Variants in COL4A1 observed in about 807,000 individuals in gnomAD.
COL4A1 encodes collagen type IV alpha 1 chain.
Under a neutral mutation model 216.6 loss-of-function variants are expected in COL4A1, and 40 were observed. The ratio of observed to expected loss-of-function variants is 0.18; its 90% CI spans 0.14 to 0.24. COL4A1 has a LOEUF of 0.24. Ranked by LOEUF, COL4A1 falls within the 10% of genes least tolerant of loss-of-function variation. The pLI is 1.00. For synonymous variants in COL4A1, 839 were observed against 810.7 expected, an observed-to-expected ratio of 1.03 and a Z score of -0.59; for missense variants, 1,628 against 2,196.8, an observed-to-expected ratio of 0.74 and a Z score of 5.18.
At chr13:110,156,916 T>C (rs1876813699) in intron 49 of COL4A1, among the ~76,000 whole-genome samples, 1 of 152,192 alleles carries the variant, frequency 6.6e-6, no homozygotes, top group Non-Finnish European at 1.5e-5. Context: ...CAATTTTCTA[T>C]TTTATTCACC....
At chr13:110,163,821 T>C (rs1028844370) in intron 46 of COL4A1, among the ~76,000 whole-genome samples, 1 of 152,062 alleles carries the variant, frequency 6.6e-6, no homozygotes, top group South Asian at 2.1e-4. Flanking sequence ...GTTTGGCAGA[T>C]TGGTTTGGAA....
intron 1 of COL4A1, among the ~76,000 whole-genome samples, chr13:110,281,768 A>G (rs1883642392): frequency 6.6e-6 from 1 of 152,198 alleles, no homozygotes; most frequent in African/African-American, 2.4e-5. Flanking sequence ...CCGTTTACCA[A>G]TCTGGCAGGA....
At chr13:110,238,179 C>T (rs994165674) in intron 2 of COL4A1, among the ~76,000 whole-genome samples, 2 of 152,168 alleles carry the variant, frequency 1.3e-5, no homozygotes, top group Admixed American at 1.3e-4. Context: ...TATATCTTTG[C>T]TGAGGATCTG....
At chr13:110,152,125 G>T (rs1200953957) in intron 51 of COL4A1, among the ~76,000 whole-genome samples, 10 of 151,950 alleles carry the variant, frequency 6.6e-5, no homozygotes, top group Non-Finnish European at 1.2e-4. Context: ...TTCTTTCATG[G>T]TTCTTCGGTA....
Position 110,251,820 on chromosome 13 carries a change from G to A in COL4A1, c.85-9086C>T, listed in dbSNP as rs540539918. Among the ~76,000 whole-genome samples the A allele has an allele frequency of 2.0e-4, 30 of 152,326 alleles. 1 individual carries two copies. The South Asian group carries it at 3.9e-3, about 20-fold the overall frequency. On this transcript the variant is annotated intron_variant, in intron 1 of 51. Transcript: ENST00000375820. The stretch of plus-strand genomic sequence containing the variant: ...TTTTCAGATCTTGGCCGCACAGCCT[G>A]AGAGCATAAAGACCTTGAACCCACA...
At chr13:110,197,589 TTC>T (rs1330049034) in intron 21 of COL4A1, among the ~76,000 whole-genome samples, 1 of 152,198 alleles carries the variant, frequency 6.6e-6, no homozygotes, top group Non-Finnish European at 1.5e-5. Context: ...ACATGATCTG[TTC>T]TTTCTCCTAC....
intron 2 of COL4A1, among the ~76,000 whole-genome samples, chr13:110,220,192 C>G (rs1880407608): frequency 6.6e-6 from 1 of 152,020 alleles, no homozygotes; most frequent in Non-Finnish European, 1.5e-5. Flanking sequence ...TCCGCCTTGT[C>G]CTCCTAAAGT....
chr13:110,250,203 CA>C (rs796114385), intron 1 of COL4A1, among the ~76,000 whole-genome samples: 3,102 of 71,708 alleles, frequency 0.043, 92 homozygotes, highest in African/African-American at 0.12. Context: ...ACATTCTTGG[CA>C]AAAAAAAAAA....
chr13:110,156,245 C>T (rs951998658), intron 49 of COL4A1, among the ~76,000 whole-genome samples: 2 of 152,182 alleles, frequency 1.3e-5, no homozygotes, highest in Non-Finnish European at 2.9e-5. Flanking sequence ...ACAATGCATA[C>T]GTATTTCCAC....
chr13:110,163,616 T>C, intron 46 of COL4A1, 55 bp from the exon 47 acceptor site: 1 of 1,465,168 alleles, frequency 6.8e-7, no homozygotes, highest in Non-Finnish European at 9.4e-7. Flanking sequence ...CTGTATCTCT[T>C]TCTTCCCTTC....
intron 1 of COL4A1, among the ~76,000 whole-genome samples, chr13:110,285,252 G>T (rs1323005447): frequency 6.6e-5 from 10 of 152,234 alleles, no homozygotes. Context: ...CCAAAAACGT[G>T]AATCTACAAT....
At chr13:110,221,736 C>T (rs1032704268) in intron 2 of COL4A1, among the ~76,000 whole-genome samples, 3 of 152,150 alleles carry the variant, frequency 2.0e-5, no homozygotes, top group African/African-American at 7.2e-5. Context: ...CCAAAATGCT[C>T]TCATTAATTC....
chr13:110,219,055 G>A (rs1484391668), intron 2 of COL4A1, among the ~76,000 whole-genome samples: 1 of 152,196 alleles, frequency 6.6e-6, no homozygotes, highest in Admixed American at 6.5e-5. Context: ...TGCCGCCGCT[G>A]GGAAAGGGGT....
intron 1 of COL4A1, among the ~76,000 whole-genome samples, chr13:110,258,645 A>G (rs1882682092): frequency 1.3e-5 from 2 of 152,354 alleles, no homozygotes; most frequent in African/African-American, 4.8e-5. Flanking sequence ...AAAATAGTCA[A>G]TCTGAAATTG....
At chr13:110,239,461 C>CT (rs1391193621) in intron 2 of COL4A1, among the ~76,000 whole-genome samples, 5 of 152,196 alleles carry the variant, frequency 3.3e-5, no homozygotes, top group African/African-American at 1.2e-4. Context: ...AGCTTGGTAA[C>CT]TTTAACTGCA....
chr13:110,200,536 T>A (rs898989047), intron 20 of COL4A1, among the ~76,000 whole-genome samples: 8 of 152,012 alleles, frequency 5.3e-5, no homozygotes, highest in South Asian at 2.1e-4. Flanking sequence ...CAGGACCTGC[T>A]CAGTGGGAGC....
In COL4A1 at chr13:110,207,534, A is replaced by G. The variant is rs773125062; in HGVS notation, c.694-45T>C. ...AAATTAATTAGGCATGAAAACAATT[A>G]TGCAGACATGAAAAATTGCAGAGAG... On this transcript the variant is annotated intron_variant, in intron 12 of 51. Coordinates refer to ENST00000375820, the MANE Select transcript of COL4A1 (RefSeq NM_001845.6). The surrounding 1 kb of genome is among the most constrained non-coding windows in gnomAD (Gnocchi z 4.4). 3.2e-5 allele frequency: 48 copies of G among 1,499,842 alleles called. No individual in the cohort carries two copies. Among genetic ancestry groups the G allele is most frequent in the Non-Finnish European group, 4.2e-5 (45 of 1,076,932 alleles). The allele number at this position is 1,499,842 out of a possible 1,614,324, so 92.9% of individuals were successfully genotyped here.
rs775767475 is a variant in COL4A1, at chr13:110,205,469, G to C, written c.903+25C>G. 5.0e-6 allele frequency: 8 copies of C among 1,605,508 alleles called. No individual in the cohort carries two copies. In the East Asian group the frequency reaches 1.6e-4, roughly 31 times the overall value. On this transcript the variant is annotated intron_variant, in intron 16 of 51. Transcript: ENST00000375820. ...AGTGGTAGGAACAGTGAGCCTGCTT[G>C]TAAAAACCACAGAGAAACACTTACG...
intron 1 of COL4A1, among the ~76,000 whole-genome samples, chr13:110,272,408 C>T (rs766973126): frequency 6.6e-6 from 1 of 152,188 alleles, no homozygotes; most frequent in African/African-American, 2.4e-5. Flanking sequence ...GAAACACTCT[C>T]GAAATTGCAC....
Sources: gnomAD v4.1 joint callset for allele counts (sites outside exome capture counted in the v4.1 genomes callset) on GRCh38, gnomAD v4.1.1 for gene constraint, Gnocchi (gnomAD v3.1) non-coding constraint, MANE v1.5 for transcripts, NCBI Gene and HGNC (gene_info 2026-07-23, HGNC 2026-07-21) for gene names.